CA10: variants seen among roughly 807,000 people sequenced by gnomAD.
CA10 encodes carbonic anhydrase 10 (inactive), also known as carbonic anhydrase-related protein 10.
A neutral mutation model predicts 44.2 loss-of-function variants in CA10; 14 were observed. The observed-to-expected ratio is 0.32, with a 90% CI of 0.21 to 0.50. The LOEUF (loss-of-function observed/expected upper bound fraction) is 0.50. CA10 is among the 20% of genes least tolerant of loss of function. The probability of loss-of-function intolerance (pLI) is 0.99; values close to 1 mark genes in which losing one functional copy is unlikely to be tolerated. For missense variants in CA10, 350 were observed against 409.7 expected (o/e 0.85, Z 1.26); for synonymous variants, 159 against 141.6 (o/e 1.12, Z -0.87).
chr17:51,784,885 T>C (rs1844078673), intron 3 of CA10, among the ~76,000 whole-genome samples: 1 of 152,236 alleles, frequency 6.6e-6, no homozygotes, highest in African/African-American at 2.4e-5. Context: ...ATTCTAGTTT[T>C]TTTGTATCCC....
chr17:51,910,845 T>G (rs1981762759), intron 3 of CA10, among the ~76,000 whole-genome samples: 1 of 152,178 alleles, frequency 6.6e-6, no homozygotes, highest in East Asian at 1.9e-4. Flanking sequence ...AAATTAAGTT[T>G]TGCAAAGCAA....
chr17:51,655,537 T>TA (rs145681095), intron 4 of CA10, among the ~76,000 whole-genome samples: 33 of 152,364 alleles, frequency 2.2e-4, no homozygotes, highest in African/African-American at 7.5e-4. Context: ...AGTGGTTTGC[T>TA]ACCTTCACTG....
intron 1 of CA10, among the ~76,000 whole-genome samples, chr17:52,133,338 C>T (rs149876287): frequency 8.5e-5 from 13 of 152,288 alleles, no homozygotes; most frequent in African/African-American, 2.9e-4. Flanking sequence ...TAGCAGGAGA[C>T]ACACAGAAGG....
chr17:51,965,576 T>C (rs184960909), intron 2 of CA10, among the ~76,000 whole-genome samples: 22 of 152,120 alleles, frequency 1.4e-4, no homozygotes, highest in Admixed American at 2.6e-4. Flanking sequence ...ATACATGTAA[T>C]TCACCACATA....
At chr17:51,641,652 A>G (rs1344188406) in intron 6 of CA10, among the ~76,000 whole-genome samples, 1 of 152,126 alleles carries the variant, frequency 6.6e-6, no homozygotes, top group African/African-American at 2.4e-5. Context: ...TGAACCTGTG[A>G]TTTATCTTAT....
At chr17:51,871,454 G>T (rs1450502457) in intron 3 of CA10, among the ~76,000 whole-genome samples, 1 of 135,894 alleles carries the variant, frequency 7.4e-6, no homozygotes, top group African/African-American at 2.8e-5. Context: ...TGGCCAGGCT[G>T]GTCACGAACT....
At chr17:52,111,269 ATTACACCTACGC>A (rs768931183) in intron 1 of CA10, among the ~76,000 whole-genome samples, 19 of 152,180 alleles carry the variant, frequency 1.2e-4, no homozygotes, top group Non-Finnish European at 2.4e-4. Flanking sequence ...TCTGGTGCTA[ATTACACCTACGC>A]TTACATCCAA....
chr17:51,652,625 G>T (rs949804022), intron 5 of CA10, among the ~76,000 whole-genome samples: 3 of 152,248 alleles, frequency 2.0e-5, no homozygotes, highest in Admixed American at 1.3e-4. Context: ...GGCATGGCAT[G>T]GATGACCAGG....
chr17:51,645,521 A>G (rs1277735955), intron 6 of CA10, among the ~76,000 whole-genome samples: 1 of 152,224 alleles, frequency 6.6e-6, no homozygotes, highest in Non-Finnish European at 1.5e-5. Flanking sequence ...GAACTGCCAA[A>G]GTTCCCATCA....
chr17:51,797,263 C>G (rs982068235), intron 3 of CA10, among the ~76,000 whole-genome samples: 8 of 152,218 alleles, frequency 5.3e-5, no homozygotes, highest in Non-Finnish European at 8.8e-5. Flanking sequence ...CCACACAGTA[C>G]AGTGTGCTGC....
chr17:51,687,879 T>C (rs1409323099), intron 4 of CA10, among the ~76,000 whole-genome samples: 28 of 152,206 alleles, frequency 1.8e-4, no homozygotes, highest in Admixed American at 1.8e-3. Flanking sequence ...CCTTCAAGAA[T>C]ACTCCTTAAT....
intron 2 of CA10, among the ~76,000 whole-genome samples, chr17:52,017,272 C>T (rs954012739): frequency 6.6e-6 from 1 of 152,032 alleles, no homozygotes; most frequent in Non-Finnish European, 1.5e-5. Flanking sequence ...GTTTGAATGT[C>T]TCAGAGGAAG....
At chr17:51,729,145 A>T (rs1237462084) in intron 4 of CA10, among the ~76,000 whole-genome samples, 1 of 152,018 alleles carries the variant, frequency 6.6e-6, no homozygotes, top group Admixed American at 6.6e-5. Flanking sequence ...AATCTGCACA[A>T]TCTGTCCCCC....
intron 3 of CA10, among the ~76,000 whole-genome samples, chr17:51,754,370 A>G (rs1321297007): frequency 2.8e-5 from 4 of 142,586 alleles, no homozygotes; most frequent in African/African-American, 7.8e-5. Context: ...ACACATGCGC[A>G]CACACACATA....
chr17:51,715,691 A>T (rs1220552564), intron 4 of CA10, among the ~76,000 whole-genome samples: 1 of 151,836 alleles, frequency 6.6e-6, no homozygotes, highest in Non-Finnish European at 1.5e-5. Context: ...AGTCTTGTTC[A>T]TTCATTCTTT....
intron 3 of CA10, among the ~76,000 whole-genome samples, chr17:51,887,049 T>A (rs970840739): frequency 1.6e-4 from 25 of 152,200 alleles, no homozygotes; most frequent in Admixed American, 1.6e-3. Flanking sequence ...ATATAGCAGA[T>A]AATGAAAATT....
At chr17:52,049,567 C>T (rs1200388509) in intron 2 of CA10, among the ~76,000 whole-genome samples, 1 of 152,072 alleles carries the variant, frequency 6.6e-6, no homozygotes, top group African/African-American at 2.4e-5. Flanking sequence ...GGCATCTCTG[C>T]CCATCTCCTA....
At chr17:51,708,261 C>T (rs1394570773) in intron 4 of CA10, among the ~76,000 whole-genome samples, 15 of 152,196 alleles carry the variant, frequency 9.9e-5, no homozygotes, top group Admixed American at 9.8e-4. Flanking sequence ...GGCACAGGTG[C>T]TGGATGGCAA....
intron 1 of CA10, among the ~76,000 whole-genome samples, chr17:52,117,799 G>A (rs1988930406): frequency 6.6e-6 from 1 of 152,164 alleles, no homozygotes; most frequent in African/African-American, 2.4e-5. Flanking sequence ...GATTATAAGA[G>A]GGCATGGAAA....
Sources: gnomAD v4.1 joint callset for allele counts (sites outside exome capture counted in the v4.1 genomes callset) on GRCh38, gnomAD v4.1.1 for gene constraint, MANE v1.5 for transcripts, NCBI Gene and HGNC (gene_info 2026-07-23, HGNC 2026-07-21) for gene names.